OPCML: variants seen among roughly 807,000 people sequenced by gnomAD.
The protein encoded by OPCML is opioid-binding protein/cell adhesion molecule.
A neutral mutation model predicts 37.8 loss-of-function variants in OPCML; 13 were observed. The observed-to-expected ratio is 0.34, with a 90% CI of 0.22 to 0.55. The LOEUF (loss-of-function observed/expected upper bound fraction) is 0.55. Ranked by LOEUF, OPCML falls within the 20% of genes least tolerant of loss-of-function variation. The probability of loss-of-function intolerance (pLI) is 0.91; values close to 1 mark genes in which losing one functional copy is unlikely to be tolerated. For synonymous variants in OPCML, 176 were observed against 168.8 expected (o/e 1.04, Z -0.33); for missense variants, 341 against 435.6 (o/e 0.78, Z 1.93).
chr11:132,864,595 A>T (rs762587994), intron 2 of OPCML, among the ~76,000 whole-genome samples: 1 of 152,250 alleles, frequency 6.6e-6, no homozygotes, highest in African/African-American at 2.4e-5. Context: ...GCCATTGGTC[A>T]TCTATAAATT....
At chr11:132,422,059 TAAA>T (rs1041989315) in intron 7 of OPCML, among the ~76,000 whole-genome samples, 3 of 152,208 alleles carry the variant, frequency 2.0e-5, no homozygotes, top group African/African-American at 7.2e-5. Context: ...ATATTTTTCT[TAAA>T]AAGTATTTTC....
At chr11:133,008,222 C>T (rs1227772923) in intron 1 of OPCML, 2 of 985,304 alleles carry the variant, frequency 2.0e-6, no homozygotes, top group African/African-American at 1.7e-5. Context: ...AGACCCTACA[C>T]AGTGTTGGCC....
At chr11:133,241,073 A>G (rs1419208700) in intron 1 of OPCML, among the ~76,000 whole-genome samples, 1 of 152,206 alleles carries the variant, frequency 6.6e-6, no homozygotes, top group Non-Finnish European at 1.5e-5. Flanking sequence ...CTCGATGAAT[A>G]AAGAGATGGA....
chr11:133,313,283 C>T (rs1943110906), intron 1 of OPCML, among the ~76,000 whole-genome samples: 1 of 152,148 alleles, frequency 6.6e-6, no homozygotes, highest in South Asian at 2.1e-4. Context: ...AGGATTTGAA[C>T]TGAAATCTGC....
chr11:133,077,935 T>C (rs943725540), intron 1 of OPCML, among the ~76,000 whole-genome samples: 1 of 152,174 alleles, frequency 6.6e-6, no homozygotes, highest in Admixed American at 6.5e-5. Context: ...AGCTGGATAA[T>C]GGCAAGAGTT....
At chr11:132,836,328 G>T (rs1045646268) in intron 2 of OPCML, among the ~76,000 whole-genome samples, 1 of 152,158 alleles carries the variant, frequency 6.6e-6, no homozygotes, top group Non-Finnish European at 1.5e-5. Flanking sequence ...TCTGTTATGT[G>T]AGAGTGTGTT....
chr11:133,143,807 A>G (rs1949859440), intron 1 of OPCML, among the ~76,000 whole-genome samples: 1 of 152,212 alleles, frequency 6.6e-6, no homozygotes, highest in African/African-American at 2.4e-5. Context: ...AATAAATACC[A>G]TTGTTATTTT....
At chr11:132,739,470 A>G (rs1213204820) in intron 2 of OPCML, among the ~76,000 whole-genome samples, 1 of 152,206 alleles carries the variant, frequency 6.6e-6, no homozygotes, top group African/African-American at 2.4e-5. Flanking sequence ...AACAGCTGTG[A>G]TGTCTGAAAA....
At chr11:133,486,766 C>T (rs533570300) in intron 1 of OPCML, among the ~76,000 whole-genome samples, 4 of 152,106 alleles carry the variant, frequency 2.6e-5, no homozygotes, top group South Asian at 2.1e-4. Context: ...ACAGAGTATG[C>T]GGCCATTCCT....
intron 1 of OPCML, among the ~76,000 whole-genome samples, chr11:133,522,871 G>T (rs1948421352): frequency 6.6e-6 from 1 of 152,046 alleles, no homozygotes; most frequent in Admixed American, 6.6e-5. Flanking sequence ...ATAAATTACT[G>T]CAATTTAAAA....
At chr11:133,030,617 G>T (rs1030890331) in intron 1 of OPCML, among the ~76,000 whole-genome samples, 2 of 152,090 alleles carry the variant, frequency 1.3e-5, no homozygotes, top group Non-Finnish European at 2.9e-5. Context: ...CACAAAATAA[G>T]ACAGCATATA....
At chr11:133,531,134 C>A (rs78333211) in intron 1 of OPCML, among the ~76,000 whole-genome samples, 1 of 152,078 alleles carries the variant, frequency 6.6e-6, no homozygotes, top group Admixed American at 6.5e-5. Context: ...GTATGAAAAC[C>A]GACACTTTTG....
intron 1 of OPCML, among the ~76,000 whole-genome samples, chr11:133,062,036 G>A (rs1948351845): frequency 6.6e-6 from 1 of 152,164 alleles, no homozygotes; most frequent in Non-Finnish European, 1.5e-5. Flanking sequence ...CTAGCACTGG[G>A]TGTAAAGACA....
At chr11:133,250,543 A>G (rs200047240) in intron 1 of OPCML, among the ~76,000 whole-genome samples, 5 of 77,634 alleles carry the variant, frequency 6.4e-5, no homozygotes, top group Admixed American at 4.1e-4. Context: ...GAGGGAAGGA[A>G]GGAAGGAAGG....
chr11:132,885,941 AAC>A (rs927260673), intron 2 of OPCML, among the ~76,000 whole-genome samples: 2 of 151,888 alleles, frequency 1.3e-5, no homozygotes, highest in East Asian at 1.9e-4. Flanking sequence ...ACGAGACAGA[AAC>A]ACACACACAC....
rs1202132949 is a variant in OPCML at position 132,419,107 on chromosome 11, G to A, written c.*1086C>T. On this transcript the variant is annotated 3_prime_UTR_variant, in exon 8 of 8. Transcript: ENST00000524381. Reference sequence around the variant, plus strand: ...TATTTTGTTAACCTGTGAGATCGTTGGCTTTCACAGAAGTTGAAAGATAAT... The same window carrying A: ...TATTTTGTTAACCTGTGAGATCGTTAGCTTTCACAGAAGTTGAAAGATAAT... The A allele has an allele frequency of 6.6e-6, 1 of 152,624 alleles. No individual in the cohort carries two copies. Among genetic ancestry groups the A allele is most frequent in the African/African-American group, 2.4e-5 (1 of 41,446 alleles). 9.5% of individuals were successfully genotyped at this position (152,624 alleles called of 1,614,324 possible).
rs145849232 is a variant in OPCML, at chr11:133,261,654, C to G, written c.61+270610G>C. ...CCATTTTTGTTCGCTGTCATATCCT[C>G]GGTGTATAAAGGAACAGCGCATAGT... is the stretch of plus-strand genomic sequence containing the variant. On this transcript the variant is annotated intron_variant, in intron 1 of 7. Transcript: ENST00000524381. 7.1e-3 allele frequency among the ~76,000 whole-genome samples: 1,075 copies of G among 152,268 alleles called. 11 individuals are homozygous for G. Among genetic ancestry groups the G allele is most frequent in the African/African-American group, 0.024 (1,001 of 41,548 alleles).
At chr11:132,539,027 T>C (rs2096348542) in intron 3 of OPCML, among the ~76,000 whole-genome samples, 1 of 152,236 alleles carries the variant, frequency 6.6e-6, no homozygotes. Context: ...TGTATAACGA[T>C]GTAATATATT....
intron 1 of OPCML, among the ~76,000 whole-genome samples, chr11:133,518,617 GT>G (rs1565679712): frequency 4.9e-4 from 74 of 150,516 alleles, no homozygotes; most frequent in East Asian, 2.3e-3. Flanking sequence ...GGGCTGTGGC[GT>G]GGGCAGTGGC....
Sources: gnomAD v4.1 joint callset for allele counts (sites outside exome capture counted in the v4.1 genomes callset) on GRCh38, gnomAD v4.1.1 for gene constraint, MANE v1.5 for transcripts, NCBI Gene and HGNC (gene_info 2026-07-23, HGNC 2026-07-21) for gene names.